The following SLC16A5 variants were observed in gnomAD, a reference collection of about 807,000 sequenced individuals.
SLC16A5 encodes solute carrier family 16 member 5.
SLC16A5 carries 29 observed loss-of-function variants against 33.2 expected under a neutral mutation model. That is an observed-to-expected ratio of 0.87 (90% confidence interval 0.65 to 1.19). The LOEUF (loss-of-function observed/expected upper bound fraction) is 1.19. Among genes scored for constraint, SLC16A5 ranks in the 50% most tolerant of loss-of-function variants. The pLI is 0.00. For synonymous variants in SLC16A5, 248 were observed against 284.1 expected (o/e 0.87, Z 1.28); for missense variants, 606 against 678.2 (o/e 0.89, Z 1.18).
chr17:75,104,350 C>A, intron 6 of SLC16A5, 170 bp downstream of exon 6: 1 of 1,429,360 alleles, frequency 7.0e-7, no homozygotes, highest in Non-Finnish European at 9.2e-7. Flanking sequence ...CCAGGCTCTG[C>A]AAGCTGGGAC....
intron 2 of SLC16A5, chr17:75,089,985 ATTTTTTCT>A (rs1336326291): frequency 7.3e-6 from 1 of 136,066 alleles, no homozygotes; most frequent in Non-Finnish European, 1.5e-5. Flanking sequence ...TAAGGGGTGA[ATTTTTTCT>A]TTTTTTCTTT....
downstream of SLC16A5, among the ~76,000 whole-genome samples, chr17:75,107,824 C>A (rs1290966946): frequency 6.6e-6 from 1 of 152,102 alleles, no homozygotes; most frequent in Admixed American, 6.5e-5. Context: ...GTAGTCCCAG[C>A]TATTCAGGAG....
chr17:75,099,824 TG>T (rs2073766627), intron 4 of SLC16A5, 182 bp from the exon 5 acceptor site: 6 of 605,410 alleles, frequency 9.9e-6, no homozygotes, highest in Non-Finnish European at 1.7e-5. Flanking sequence ...AGATCTGGGG[TG>T]GGGTGCCTAC....
At position 75,093,835 on chromosome 17, in the gene SLC16A5, G is replaced by A. The variant is rs1209980627; in HGVS notation, c.199G>A (p.Gly67Arg). ...CCTCACGGCTGTGCTCCACATGGCA[G>A]GTGAGCGGCCTAGGGAGGGGCCGAT... ...SILTAVLHMA[G>R]PLCSILVGRF... Residue 67 changes from glycine to arginine, a missense_variant and splice_region_variant, in exon 3 of 7, where the codon GGG becomes AGG. Physicochemically the swap from Gly to Arg is moderately radical, Grantham distance 125. Coordinates refer to ENST00000329783, the MANE Select transcript of SLC16A5 (RefSeq NM_004695.4). 11 of 1,613,638 alleles carry A rather than the reference G, an allele frequency of 6.8e-6. No individual in the cohort carries two copies. In the African/African-American group the frequency reaches 1.3e-4, roughly 20 times the overall value.
intron 2 of SLC16A5, among the ~76,000 whole-genome samples, chr17:75,092,360 C>CTTT (rs150596125): frequency 7.2e-6 from 1 of 139,170 alleles, no homozygotes; most frequent in Admixed American, 7.3e-5. Flanking sequence ...AAGTGTGTGT[C>CTTT]TTTTTTTTTT....
At chr17:75,104,341 C>T in intron 6 of SLC16A5, 161 bp downstream of exon 6, 1 of 1,447,008 alleles carries the variant, frequency 6.9e-7, no homozygotes, top group Non-Finnish European at 9.1e-7. Flanking sequence ...CCGGGCTGTC[C>T]AGGCTCTGCA....
intron 4 of SLC16A5, among the ~76,000 whole-genome samples, chr17:75,099,588 G>A (rs1390522063): frequency 6.6e-6 from 1 of 152,106 alleles, no homozygotes; most frequent in African/African-American, 2.4e-5. Flanking sequence ...ACAGACTACA[G>A]GCGCCTGCCA....
rs543814248 is a variant in SLC16A5, at chr17:75,105,195, C to T, written c.1365-685C>T. On this transcript the variant is annotated intron_variant, in intron 6 of 6. Coordinates refer to ENST00000329783, the MANE Select transcript of SLC16A5 (RefSeq NM_004695.4). ...CTGTGCAGAGAACGGGAGGGGGGCC[C>T]CTGGCTTGGATCCTAGAATCGGTGA... 6 of 985,422 alleles carry T rather than the reference C, an allele frequency of 6.1e-6. No individual in the cohort carries two copies. In the African/African-American group the frequency reaches 1.0e-4, roughly 17 times the overall value. 61.0% of individuals were successfully genotyped at this position (985,422 alleles called of 1,614,324 possible).
At chr17:75,104,872 G>T (rs1456266452) in intron 6 of SLC16A5, 1 of 985,354 alleles carries the variant, frequency 1.0e-6, no homozygotes, top group African/African-American at 1.7e-5. Flanking sequence ...GTTTGTCCCA[G>T]CCGGCTCAGC....
At chr17:75,099,937 G>A in intron 4 of SLC16A5, 70 bp from the exon 5 acceptor site, 1 of 1,426,398 alleles carries the variant, frequency 7.0e-7, no homozygotes. Flanking sequence ...AATGACCACT[G>A]ACCCCACCCC....
chr17:75,104,940 C>G (rs1217382635), intron 6 of SLC16A5: 1 of 985,436 alleles, frequency 1.0e-6, no homozygotes. Flanking sequence ...TCTCGTCCAG[C>G]CTGGATGCCT....
chr17:75,110,047 C>T, downstream of SLC16A5: 1 of 498,126 alleles, frequency 2.0e-6, no homozygotes, highest in East Asian at 3.5e-5. Context: ...TCCCTGTCTC[C>T]CGCGCCCCAA....
chr17:75,100,639 G>A lies in SLC16A5; in HGVS notation c.976G>A (p.Gly326Ser). The change falls in exon 5 of 7, where the codon GGT (glycine) becomes AGT (serine). Residue 326 changes from glycine to serine, a missense_variant. Physicochemically the swap from Gly to Ser is moderately conservative, Grantham distance 56 (BLOSUM62 0). Transcript: ENST00000329783. Reference protein sequence around the residue: ...GLTNLVCAASGDFWVLVGYCL... With the variant: ...GLTNLVCAASSDFWVLVGYCL... ...CACTAACCTGGTGTGTGCGGCATCA[G>A]GTGACTTCTGGGTGCTCGTGGGCTA... 6.2e-7 allele frequency: 1 copy of A among 1,614,220 alleles called. No individual in the cohort carries two copies.
At position 75,100,537 on chromosome 17, in the gene SLC16A5, G is replaced by A. The variant is rs769032724; in HGVS notation, c.874G>A (p.Gly292Arg). ...FSNIFLRPLA[G>R]LMAGRPAFAS... is the part of the protein sequence containing the mutation. ...CAACATCTTCCTGAGGCCCCTAGCCGGGCTGATGGCAGGACGGCCGGCCTT... is the reference window on the plus strand; with the variant it reads ...CAACATCTTCCTGAGGCCCCTAGCCAGGCTGATGGCAGGACGGCCGGCCTT... The change falls in exon 5 of 7, where the codon GGG (glycine) becomes AGG (arginine). Residue 292 changes from glycine (G) to arginine (R), a missense_variant. By Grantham distance (125) the Gly-to-Arg change is moderately radical. Transcript: ENST00000329783. The A allele has an allele frequency of 1.8e-5, 29 of 1,614,094 alleles. No homozygotes were observed. Among genetic ancestry groups the A allele is most frequent in the African/African-American group, 4.0e-5 (3 of 74,932 alleles).
chr17:75,097,408 G>T (rs2073734214), intron 3 of SLC16A5, among the ~76,000 whole-genome samples: 1 of 152,054 alleles, frequency 6.6e-6, no homozygotes. Flanking sequence ...CAAACCTCTA[G>T]GTGCAGACTT....
chr17:75,094,752 C>T (rs1331355070), intron 3 of SLC16A5, among the ~76,000 whole-genome samples: 2 of 151,904 alleles, frequency 1.3e-5, no homozygotes, highest in African/African-American at 4.8e-5. Flanking sequence ...CCGGGACTCC[C>T]TGCAGAGAGG....
intron 3 of SLC16A5, among the ~76,000 whole-genome samples, chr17:75,096,244 G>C (rs1451737176): frequency 6.6e-6 from 1 of 151,850 alleles, no homozygotes; most frequent in Non-Finnish European, 1.5e-5. Context: ...CAAGGCTGAA[G>C]AGTGAGTTCA....
chr17:75,088,523 C>T (rs1025066624), intron 1 of SLC16A5, among the ~76,000 whole-genome samples: 5 of 152,146 alleles, frequency 3.3e-5, no homozygotes, highest in Non-Finnish European at 5.9e-5. Flanking sequence ...CTCCCTCCTC[C>T]CTAGGCCAAC....
chr17:75,106,963 A>G (rs2073868736), downstream of SLC16A5, among the ~76,000 whole-genome samples: 1 of 151,482 alleles, frequency 6.6e-6, no homozygotes. Context: ...CCAGGACTTC[A>G]AGACCAGCCT....
Sources: allele counts gnomAD v4.1 joint callset (sites outside exome capture counted in the v4.1 genomes callset), GRCh38; gene constraint gnomAD v4.1.1; transcripts MANE v1.5; gene names NCBI Gene and HGNC (gene_info 2026-07-23, HGNC 2026-07-21).